Variants in TMPRSS15 observed in about 807,000 individuals in gnomAD.
TMPRSS15 encodes enteropeptidase.
TMPRSS15 carries 128 observed loss-of-function variants against 125.3 expected under a neutral mutation model. That is an observed-to-expected ratio of 1.02 (90% CI 0.89 to 1.18). The LOEUF is 1.18. Ranked by LOEUF, TMPRSS15 falls within the 50% of genes most tolerant of loss-of-function variation. The pLI, the probability that TMPRSS15 is intolerant of heterozygous loss-of-function variation, is 0.00. For missense variants in TMPRSS15, 1,283 were observed against 1,212.7 expected (o/e 1.06, Z -0.86); for synonymous variants, 446 against 423.2 (o/e 1.05, Z -0.66).
chr21:18,443,240 A>G (rs2076246836), intron 1 of TMPRSS15, among the ~76,000 whole-genome samples: 1 of 152,200 alleles, frequency 6.6e-6, no homozygotes, highest in Non-Finnish European at 1.5e-5. Flanking sequence ...CTCGTAGAGA[A>G]CAGAGGGGCT....
Position 18,272,415 on chromosome 21 carries a change from A to G in TMPRSS15, c.2905-2291T>C, listed in dbSNP as rs549941217. Among the ~76,000 whole-genome samples the G allele has an allele frequency of 2.6e-5, 4 of 152,206 alleles. No individual in the cohort carries two copies. In the South Asian group the frequency reaches 8.3e-4, roughly 32 times the overall value. On this transcript the variant is annotated intron_variant, in intron 24 of 24. Transcript: ENST00000284885. ...TTCATTCTTCCACTGTCTTGGAGAT[A>G]TATGAGTACTTCAAAAATATGCATG...
intron 5 of TMPRSS15, among the ~76,000 whole-genome samples, chr21:18,374,562 T>C (rs2075824816): frequency 1.3e-5 from 2 of 151,872 alleles, no homozygotes; most frequent in Admixed American, 6.6e-5. Context: ...GTGGGATGTT[T>C]ATGGAAGGCA....
At position 18,403,385 on chromosome 21, in the gene TMPRSS15, G is replaced by T. The variant is rs2076114636; in HGVS notation, c.145+93C>A. ...AAAGCCCAAAATAATGCATTTAGTT[G>T]GCAATGAATAAAATAGACTTACAGA... On this transcript the variant is annotated intron_variant, in intron 1 of 24. Transcript: ENST00000284885. The T allele has an allele frequency of 9.2e-6, 14 of 1,521,466 alleles. No homozygotes were observed. The South Asian group carries it at 1.6e-4, about 17-fold the overall frequency. 94.2% of individuals were successfully genotyped at this position (1,521,466 alleles called of 1,614,324 possible).
At chr21:18,450,245 C>T (rs2076264870) in intron 1 of TMPRSS15, among the ~76,000 whole-genome samples, 1 of 151,760 alleles carries the variant, frequency 6.6e-6, no homozygotes, top group African/African-American at 2.4e-5. Context: ...AAGTAGCATG[C>T]AAATTTCATT....
chr21:18,281,980 C>G (rs1182289081), intron 21 of TMPRSS15, among the ~76,000 whole-genome samples: 1 of 151,136 alleles, frequency 6.6e-6, no homozygotes, highest in East Asian at 1.9e-4. Flanking sequence ...GCCTGTAGTC[C>G]CAGCTACTTC....
chr21:18,279,118 CA>C, intron 22 of TMPRSS15, 59 bp from the exon 23 acceptor site: 1 of 902,762 alleles, frequency 1.1e-6, no homozygotes, highest in Non-Finnish European at 1.8e-6. Flanking sequence ...AACAGATTTA[CA>C]AGCATTTCTA....
intron 1 of TMPRSS15, among the ~76,000 whole-genome samples, chr21:18,450,703 C>T (rs2076266385): frequency 6.6e-6 from 1 of 152,176 alleles, no homozygotes; most frequent in Admixed American, 6.5e-5. Context: ...AAATCCAAGA[C>T]AGCCTTAAAT....
intron 10 of TMPRSS15, among the ~76,000 whole-genome samples, chr21:18,350,636 C>A (rs1008369194): frequency 6.6e-6 from 1 of 152,004 alleles, no homozygotes; most frequent in Non-Finnish European, 1.5e-5. Context: ...ACTTACTGCT[C>A]ATCTTCTTCT....
At chr21:18,406,100 A>C (rs1253169457), upstream of TMPRSS15, among the ~76,000 whole-genome samples, 1 of 152,154 alleles carries the variant, frequency 6.6e-6, no homozygotes, top group East Asian at 1.9e-4. Flanking sequence ...AACCTCCATG[A>C]GAAGGGCTGG....
At chr21:18,419,999 C>T (rs1195461355) in intron 1 of TMPRSS15, among the ~76,000 whole-genome samples, 2 of 152,142 alleles carry the variant, frequency 1.3e-5, no homozygotes, top group Non-Finnish European at 2.9e-5. Context: ...TTTTTGTTTG[C>T]TACTGGGACC....
At chr21:18,370,591 G>A (rs1021439262) in intron 6 of TMPRSS15, among the ~76,000 whole-genome samples, 1 of 152,064 alleles carries the variant, frequency 6.6e-6, no homozygotes. Context: ...CTTCTTCTTT[G>A]AGTAACTTAG....
intron 10 of TMPRSS15, among the ~76,000 whole-genome samples, chr21:18,350,052 C>G (rs534206089): frequency 2.6e-5 from 4 of 152,098 alleles, no homozygotes; most frequent in African/African-American, 9.6e-5. Context: ...TCTAACTACT[C>G]TTGTCCAAGT....
rs150839652 is a variant in TMPRSS15, at chr21:18,353,259, A to G, written c.1022-207T>C. ...TTGTTGCCAACTGTGTTAAATTAAT[A>G]CATTTCCTATACTCTGTCAGGGTAT... is the stretch of plus-strand genomic sequence containing the variant. On this transcript the variant is annotated intron_variant, in intron 9 of 24. Transcript: ENST00000284885. 2.6e-3 allele frequency among the ~76,000 whole-genome samples: 400 copies of G among 151,922 alleles called. 5 individuals are homozygous for G. Among genetic ancestry groups the G allele is most frequent in the African/African-American group, 8.7e-3 (362 of 41,506 alleles).
intron 1 of TMPRSS15, among the ~76,000 whole-genome samples, chr21:18,415,492 G>A (rs1224620701): frequency 6.6e-6 from 1 of 152,058 alleles, no homozygotes; most frequent in Non-Finnish European, 1.5e-5. Context: ...CAGATCTTAT[G>A]TTTAAGTCTT....
At chr21:18,439,376 C>G (rs1049486765) in intron 1 of TMPRSS15, among the ~76,000 whole-genome samples, 2 of 152,072 alleles carry the variant, frequency 1.3e-5, no homozygotes, top group Admixed American at 1.3e-4. Flanking sequence ...TTGATGATAA[C>G]AATGCAGAAT....
intron 6 of TMPRSS15, among the ~76,000 whole-genome samples, chr21:18,371,511 G>T (rs189570724): frequency 6.6e-6 from 1 of 152,290 alleles, no homozygotes; most frequent in Admixed American, 6.5e-5. Context: ...CTAGAGCCAT[G>T]CTTGGTATAT....
intron 1 of TMPRSS15, among the ~76,000 whole-genome samples, chr21:18,399,193 A>G (rs2076071125): frequency 6.6e-6 from 1 of 152,036 alleles, no homozygotes; most frequent in Non-Finnish European, 1.5e-5. Context: ...TTCTTTTCTG[A>G]GATAGGGTAA....
At chr21:18,428,008 A>T (rs775949779) in intron 1 of TMPRSS15, among the ~76,000 whole-genome samples, 3 of 152,232 alleles carry the variant, frequency 2.0e-5, no homozygotes, top group Non-Finnish European at 4.4e-5. Context: ...AGCAATAGAG[A>T]TGTTTTTAAT....
At chr21:18,445,690 A>G (rs2076254236) in intron 1 of TMPRSS15, among the ~76,000 whole-genome samples, 1 of 152,218 alleles carries the variant, frequency 6.6e-6, no homozygotes, top group African/African-American at 2.4e-5. Context: ...ACATCACATT[A>G]ACAAAATGTA....
Sources: gnomAD v4.1 joint callset for allele counts (sites outside exome capture counted in the v4.1 genomes callset) on GRCh38, gnomAD v4.1.1 for gene constraint, MANE v1.5 for transcripts, NCBI Gene and HGNC (gene_info 2026-07-23, HGNC 2026-07-21) for gene names.